ZBTB8OS: variants seen among roughly 807,000 people sequenced by gnomAD.
ZBTB8OS encodes tRNA splicing ligase complex subunit 1, also known as tRNA-splicing ligase-activating factor archease.
Under a neutral mutation model 29.3 loss-of-function variants are expected in ZBTB8OS, and 16 were observed. That is an observed-to-expected ratio of 0.55 (90% CI 0.37 to 0.83). ZBTB8OS has a LOEUF of 0.83. ZBTB8OS is among the 40% of genes least tolerant of loss of function. The probability of loss-of-function intolerance (pLI) is 0.00; values close to 1 mark genes in which losing one functional copy is unlikely to be tolerated. For synonymous variants in ZBTB8OS, 70 were observed against 64.6 expected, an observed-to-expected ratio of 1.08 and a Z score of -0.40; for missense variants, 160 against 196.9, an observed-to-expected ratio of 0.81 and a Z score of 1.12.
At chr1:32,643,957 A>G (rs1361962300) in intron 1 of ZBTB8OS, among the ~76,000 whole-genome samples, 1 of 152,100 alleles carries the variant, frequency 6.6e-6, no homozygotes, top group Non-Finnish European at 1.5e-5. Context: ...AGACAAATTA[A>G]GAGTCTTTTA....
rs202230397 is a variant in ZBTB8OS at position 32,634,980 on chromosome 1, C to CTA, written c.98-189_98-188insTA. Among the ~76,000 whole-genome samples, 9 of 145,230 alleles carry CTA rather than the reference C, an allele frequency of 6.2e-5. No homozygotes were observed. The South Asian group carries it at 2.0e-3, about 32-fold the overall frequency. On this transcript the variant is annotated intron_variant, in intron 1 of 6. Transcript: ENST00000468695. Reference sequence around the variant, plus strand: ...GCTAATTGCTTTGCTTTGTTGGAATCTTTTTTTTTTTGCGGGGACAGAGAG... The same window carrying CTA: ...GCTAATTGCTTTGCTTTGTTGGAATCTATTTTTTTTTTTGCGGGGACAGAGAG...
chr1:32,630,033 G>A (rs1386842413), intron 5 of ZBTB8OS, among the ~76,000 whole-genome samples: 3 of 151,978 alleles, frequency 2.0e-5, no homozygotes, highest in Non-Finnish European at 2.9e-5. Context: ...TTACAGGCGT[G>A]AGCCACTGCA....
chr1:32,622,244 G>A (rs1644808125), intron 6 of ZBTB8OS, among the ~76,000 whole-genome samples: 1 of 151,982 alleles, frequency 6.6e-6, no homozygotes, highest in Non-Finnish European at 1.5e-5. Flanking sequence ...TTATAAAATG[G>A]GTTAAATCAC....
rs1647322553 is a variant in ZBTB8OS at position 32,650,451 on chromosome 1, C to A, written c.79G>T (p.Val27Phe). The A allele has an allele frequency of 6.2e-7, 1 of 1,614,094 alleles. No homozygotes were observed. The highest frequency in any genetic ancestry group is 8.5e-7 in the Non-Finnish European group (1 of 1,180,038). ...TACTCACACTCGTACTTCCTATTGA[C>A]TGGCGGATACTTGGCCTTGATCGCC... ...QKAIKAKYPP[V>F]NRKYEYLDHT... The change falls in exon 1 of 7, where the codon GTC (valine) becomes TTC (phenylalanine). Residue 27 changes from valine to phenylalanine, a missense_variant. Transcript: ENST00000468695.
At chr1:32,634,667 C>G in intron 2 of ZBTB8OS, 101 bp downstream of exon 2, 1 of 1,493,506 alleles carries the variant, frequency 6.7e-7, no homozygotes, top group Non-Finnish European at 9.3e-7. Context: ...GTGAAGGAAC[C>G]AAAATGAGAG....
intron 1 of ZBTB8OS, among the ~76,000 whole-genome samples, chr1:32,639,010 T>C (rs568194400): frequency 6.6e-6 from 1 of 151,912 alleles, no homozygotes; most frequent in East Asian, 1.9e-4. Flanking sequence ...AAAGATGGAG[T>C]TTCCTGGCCA....
chr1:32,637,653 A>G (rs1301447923), intron 1 of ZBTB8OS, among the ~76,000 whole-genome samples: 1 of 152,136 alleles, frequency 6.6e-6, no homozygotes, highest in East Asian at 1.9e-4. Flanking sequence ...AGAAAACACA[A>G]GTGTTTTTCT....
chr1:32,634,677 G>A (rs993272562), intron 2 of ZBTB8OS, 91 bp downstream of exon 2: 21 of 1,535,968 alleles, frequency 1.4e-5, no homozygotes, highest in South Asian at 9.0e-5. Context: ...CAAAATGAGA[G>A]GAGAAAAATT....
intron 3 of ZBTB8OS, 37 bp downstream of exon 3, chr1:32,633,914 T>A (rs780764301): frequency 6.5e-7 from 1 of 1,543,368 alleles, no homozygotes; most frequent in Non-Finnish European, 8.7e-7. Flanking sequence ...TATACAGTAC[T>A]GTATAACAAT....
intron 1 of ZBTB8OS, among the ~76,000 whole-genome samples, chr1:32,637,346 G>A (rs1052442385): frequency 1.3e-5 from 2 of 152,068 alleles, no homozygotes; most frequent in East Asian, 1.9e-4. Flanking sequence ...GGTGGATCAC[G>A]AGGTCAGGGG....
chr1:32,624,171 C>A (rs1321212794), intron 6 of ZBTB8OS, among the ~76,000 whole-genome samples: 1 of 152,170 alleles, frequency 6.6e-6, no homozygotes, highest in African/African-American at 2.4e-5. Context: ...ATAAATTACC[C>A]AGTCTCGGGT....
chr1:32,644,568 G>A (rs78950761), intron 1 of ZBTB8OS, among the ~76,000 whole-genome samples: 306 of 129,436 alleles, frequency 2.4e-3, no homozygotes, highest in African/African-American at 9.2e-3. Flanking sequence ...CAGGGACTCT[G>A]TCACCCAGGC....
chr1:32,637,320 T>C (rs1355297833), intron 1 of ZBTB8OS, among the ~76,000 whole-genome samples: 1 of 151,834 alleles, frequency 6.6e-6, no homozygotes, highest in Non-Finnish European at 1.5e-5. Context: ...TCCCAACACT[T>C]GGGGAGGCCG....
At chr1:32,630,631 AC>A (rs982428370) in intron 5 of ZBTB8OS, among the ~76,000 whole-genome samples, 1 of 152,130 alleles carries the variant, frequency 6.6e-6, no homozygotes, top group Non-Finnish European at 1.5e-5. Flanking sequence ...TGTCCCAGCT[AC>A]TCAGGAGGCC....
chr1:32,622,210 C>T (rs1390350294), intron 6 of ZBTB8OS, among the ~76,000 whole-genome samples: 2 of 152,098 alleles, frequency 1.3e-5, no homozygotes, highest in African/African-American at 4.8e-5. Context: ...AATTGTCTGG[C>T]CTGTCTGGAC....
intron 6 of ZBTB8OS, among the ~76,000 whole-genome samples, chr1:32,626,554 T>A (rs1417037550): frequency 6.6e-6 from 1 of 150,638 alleles, no homozygotes; most frequent in Non-Finnish European, 1.5e-5. Context: ...TATTTACTTT[T>A]ATTTTATTTT....
upstream of ZBTB8OS, chr1:32,650,880 C>T: frequency 2.1e-6 from 1 of 476,904 alleles, no homozygotes; most frequent in Admixed American, 3.8e-5. Context: ...CTAGATTTTT[C>T]ATCTCAGTAC....
At chr1:32,625,358 C>T (rs1445603315) in intron 6 of ZBTB8OS, among the ~76,000 whole-genome samples, 1 of 151,972 alleles carries the variant, frequency 6.6e-6, no homozygotes, top group African/African-American at 2.4e-5. Context: ...CATGGTGAAA[C>T]CCCATCTCTA....
intron 1 of ZBTB8OS, among the ~76,000 whole-genome samples, chr1:32,638,590 A>G (rs1646169549): frequency 6.6e-6 from 1 of 152,150 alleles, no homozygotes; most frequent in Admixed American, 6.6e-5. Context: ...TTAAGTGAAA[A>G]GATTTTTAAA....
Sources: allele counts gnomAD v4.1 joint callset (sites outside exome capture counted in the v4.1 genomes callset), GRCh38; gene constraint gnomAD v4.1.1; transcripts MANE v1.5; gene names NCBI Gene and HGNC (gene_info 2026-07-23, HGNC 2026-07-21).